SPATA13: variants seen among roughly 807,000 people sequenced by gnomAD.
SPATA13 encodes spermatogenesis associated 13.
SPATA13 carries 50 observed loss-of-function variants against 104.0 expected under a neutral mutation model. The observed-to-expected ratio is 0.48, with a 90% CI of 0.38 to 0.61. The LOEUF is 0.61. Among genes scored for constraint, SPATA13 ranks in the 20% least tolerant of loss-of-function variants. SPATA13 has a pLI of 0.00. For synonymous variants in SPATA13, 606 were observed against 667.5 expected, an observed-to-expected ratio of 0.91 and a Z score of 1.42; for missense variants, 1,524 against 1,690.6, an observed-to-expected ratio of 0.90 and a Z score of 1.73.
chr13:24,226,016 T>C (rs1871913817), intron 2 of SPATA13, among the ~76,000 whole-genome samples: 2 of 152,260 alleles, frequency 1.3e-5, no homozygotes, highest in Admixed American at 6.5e-5. Flanking sequence ...AGACCTGGAA[T>C]GTGTTGCTCC....
Position 24,069,368 on chromosome 13 carries a change from G to A in SPATA13, c.-112+51667G>A, listed in dbSNP as rs1879081260. Among the ~76,000 whole-genome samples the A allele has an allele frequency of 2.6e-5, 4 of 152,070 alleles. No homozygotes were observed. The South Asian group carries it at 8.3e-4, about 32-fold the overall frequency. On this transcript the variant is annotated intron_variant, in intron 3 of 14. Transcript: ENST00000424834. ...GGTTAGCTGTATTTCTAGGTATTTTGTTCTCTTTTTGCCAATTGTGAATGG... is the reference window on the plus strand; with the variant it reads ...GGTTAGCTGTATTTCTAGGTATTTTATTCTCTTTTTGCCAATTGTGAATGG...
chr13:24,059,192 C>A (rs965257035), intron 3 of SPATA13, among the ~76,000 whole-genome samples: 1 of 151,566 alleles, frequency 6.6e-6, no homozygotes, highest in Non-Finnish European at 1.5e-5. Context: ...AGGATGGTCT[C>A]GATCTCCTGA....
At chr13:24,149,537 A>T (rs761636018) in intron 3 of SPATA13, among the ~76,000 whole-genome samples, 1 of 152,202 alleles carries the variant, frequency 6.6e-6, no homozygotes, top group Non-Finnish European at 1.5e-5. Context: ...TCTAGTGTTC[A>T]TTAGAGGAGT....
rs112160545 is a variant in SPATA13 at position 24,000,040 on chromosome 13, T to C, written c.-147+16107T>C. Among the ~76,000 whole-genome samples the C allele has an allele frequency of 1.8e-3, 280 of 152,324 alleles. 3 individuals are homozygous for C. The highest frequency in any genetic ancestry group is 6.2e-3 in the African/African-American group (259 of 41,566). On this transcript the variant is annotated intron_variant, in intron 2 of 14. Coordinates refer to the SPATA13 transcript ENST00000424834. ...AAATAGTGCTTGCCCTCATTAGTTA[T>C]CACCAATATGCATATTAAAACCACA...
chr13:24,167,573 C>T lies in SPATA13; in HGVS notation c.-112+6641C>T, dbSNP rs1033802953. Among the ~76,000 whole-genome samples the T allele has an allele frequency of 3.3e-5, 5 of 152,188 alleles. No individual in the cohort carries two copies. In the East Asian group the frequency reaches 9.6e-4, roughly 29 times the overall value. ...GTTCTAAAATCGTGAAGTACCAATA[C>T]TTCTGTGTGAATAGTGTGAATGGGA... On this transcript the variant is annotated intron_variant, in intron 1 of 12. Transcript: ENST00000382108.
At chr13:24,295,346 C>G (rs1238651380) in intron 10 of SPATA13, among the ~76,000 whole-genome samples, 1 of 152,112 alleles carries the variant, frequency 6.6e-6, no homozygotes, top group Middle Eastern at 3.2e-3. Flanking sequence ...CACAGTGGCT[C>G]ACACCTGTAA....
rs911481721 is a variant in SPATA13 at position 24,215,271 on chromosome 13, C to A, written c.-111-7548C>A. ...GAGGCAGGGAGGGCTTGCAAGAAAA[C>A]AATATGCAAATCTCAGTTCAATTAG... is the stretch of plus-strand genomic sequence containing the variant. On this transcript the variant is annotated intron_variant, in intron 1 of 12. Transcript: ENST00000382108. Among the ~76,000 whole-genome samples, 44 of 152,290 alleles carry A rather than the reference C, an allele frequency of 2.9e-4. 1 individual carries two copies. The highest frequency in any genetic ancestry group is 9.4e-4 in the African/African-American group (39 of 41,568).
chr13:24,001,597 G>A (rs1160033071), intron 2 of SPATA13, among the ~76,000 whole-genome samples: 1 of 152,002 alleles, frequency 6.6e-6, no homozygotes, highest in Admixed American at 6.6e-5. Context: ...TGATGGTGAT[G>A]CTTCCCAGGA....
intron 3 of SPATA13, among the ~76,000 whole-genome samples, chr13:24,042,948 A>G (rs1877987336): frequency 6.6e-6 from 1 of 152,188 alleles, no homozygotes; most frequent in Non-Finnish European, 1.5e-5. Flanking sequence ...GTATAAAAAT[A>G]CCTCCGTAAA....
At chr13:24,175,241 ATTTGTT>A (rs1167846875) in intron 1 of SPATA13, among the ~76,000 whole-genome samples, 1 of 151,758 alleles carries the variant, frequency 6.6e-6, no homozygotes, top group African/African-American at 2.4e-5. Context: ...GTTTTTTTTA[ATTTGTT>A]TTTGTTGTTG....
At chr13:24,125,905 G>A (rs1038203977) in intron 3 of SPATA13, among the ~76,000 whole-genome samples, 1 of 152,180 alleles carries the variant, frequency 6.6e-6, no homozygotes, top group African/African-American at 2.4e-5. Context: ...GGCCCACTCT[G>A]GAATGTGGAT....
chr13:24,113,514 G>C (rs968132768), intron 3 of SPATA13, among the ~76,000 whole-genome samples: 1 of 152,044 alleles, frequency 6.6e-6, no homozygotes, highest in Admixed American at 6.5e-5. Flanking sequence ...TGAGGCATGA[G>C]AATCGCTAAG....
intron 3 of SPATA13, among the ~76,000 whole-genome samples, chr13:24,026,564 A>G (rs557152118): frequency 6.2e-4 from 95 of 152,198 alleles, no homozygotes; most frequent in African/African-American, 2.2e-3. Context: ...ACTGCTGTTT[A>G]TTTATTTGTT....
intron 2 of SPATA13, among the ~76,000 whole-genome samples, chr13:24,014,133 C>T (rs1876603191): frequency 6.6e-6 from 1 of 152,208 alleles, no homozygotes; most frequent in Non-Finnish European, 1.5e-5. Flanking sequence ...GGCCATGCTC[C>T]TTTTGCAGGT....
chr13:24,174,185 G>A (rs751941714), intron 1 of SPATA13, among the ~76,000 whole-genome samples: 1 of 152,168 alleles, frequency 6.6e-6, no homozygotes, highest in Non-Finnish European at 1.5e-5. Context: ...GTGAGTTGTG[G>A]TAGTTTGTGT....
rs2137741995 is a variant in SPATA13 at position 24,051,661 on chromosome 13, C to A, written c.-112+33960C>A. 6.6e-6 allele frequency among the ~76,000 whole-genome samples: 1 copy of A among 151,922 alleles called. No homozygotes were observed. The highest frequency in any genetic ancestry group is 1.5e-5 in the Non-Finnish European group (1 of 67,966). Reference sequence around the variant, plus strand: ...GGATGGAGGGGTGGGGACTTAGGGGCAAGGGGAAGCTGAGAAGAGATTACA... The same window carrying A: ...GGATGGAGGGGTGGGGACTTAGGGGAAAGGGGAAGCTGAGAAGAGATTACA... On this transcript the variant is annotated intron_variant, in intron 3 of 14. Coordinates refer to the SPATA13 transcript ENST00000424834. This position sits in a 1 kb window ranked among gnomAD's most constrained non-coding sequence, Gnocchi z 4.2.
At chr13:24,165,435 A>T (rs1376031157) in intron 1 of SPATA13, among the ~76,000 whole-genome samples, 1 of 152,144 alleles carries the variant, frequency 6.6e-6, no homozygotes, top group East Asian at 1.9e-4. Flanking sequence ...AACACTGGCA[A>T]GCTCTCCTTA....
At chr13:24,289,666 C>T (rs894909139) in intron 8 of SPATA13, among the ~76,000 whole-genome samples, 2 of 152,176 alleles carry the variant, frequency 1.3e-5, no homozygotes, top group Non-Finnish European at 2.9e-5. Flanking sequence ...TCTGTGAAGG[C>T]AGACCCGGGC....
intron 3 of SPATA13, among the ~76,000 whole-genome samples, chr13:24,137,509 C>T (rs1395944955): frequency 3.3e-5 from 5 of 152,182 alleles, no homozygotes; most frequent in African/African-American, 1.2e-4. Flanking sequence ...CCATGTGATC[C>T]AGCACTTTGG....
Sources: allele counts gnomAD v4.1 joint callset (sites outside exome capture counted in the v4.1 genomes callset), GRCh38; gene constraint gnomAD v4.1.1; non-coding constraint Gnocchi (gnomAD v3.1); transcripts MANE v1.5; gene names NCBI Gene and HGNC (gene_info 2026-07-23, HGNC 2026-07-21).